The following FBH1 variants were observed in gnomAD, a reference collection of about 807,000 sequenced individuals.
The protein encoded by FBH1 is DNA 3'-5' helicase 1.
Under a neutral mutation model 115.5 loss-of-function variants are expected in FBH1, and 43 were observed. That is an observed-to-expected ratio of 0.37 (90% confidence interval 0.29 to 0.48). The LOEUF is 0.48. Among genes scored for constraint, FBH1 ranks in the 20% least tolerant of loss-of-function variants. The pLI, the probability that FBH1 is intolerant of heterozygous loss-of-function variation, is 0.99. For synonymous variants in FBH1, 524 were observed against 507.8 expected (o/e 1.03, Z -0.43); for missense variants, 1,001 against 1,337.3 (o/e 0.75, Z 3.92).
At chr10:5,904,225 G>A (rs981224557) in intron 2 of FBH1, among the ~76,000 whole-genome samples, 1 of 151,936 alleles carries the variant, frequency 6.6e-6, no homozygotes, top group African/African-American at 2.4e-5. Flanking sequence ...TAGAGACAGG[G>A]TTTTGCTACG....
intron 1 of FBH1, among the ~76,000 whole-genome samples, chr10:5,902,213 CAT>C (rs1278714398): frequency 3.9e-5 from 6 of 152,136 alleles, no homozygotes; most frequent in Admixed American, 2.0e-4. Flanking sequence ...GGGGCTGAGA[CAT>C]GTGTGCCCTT....
rs1833124783 is a variant in FBH1, at chr10:5,933,765, C to T, written c.2830-2691C>T. 6.6e-6 allele frequency among the ~76,000 whole-genome samples: 1 copy of T among 152,046 alleles called. No homozygotes were observed. The highest frequency in any genetic ancestry group is 2.1e-4 in the South Asian group (1 of 4,824). On this transcript the variant is annotated intron_variant, in intron 19 of 20. Transcript: ENST00000362091. This position sits in a 1 kb window ranked among gnomAD's most constrained non-coding sequence, Gnocchi z 4.9. ...TCAAGCTGTTCTCCTGTGTCAGCCT[C>T]TCAAGTAGCTGGTAGTACAGGTGTA...
At position 5,913,177 on chromosome 10, in the gene FBH1, C is replaced by T. The variant is rs138255815; in HGVS notation, c.1212-570C>T. On this transcript the variant is annotated intron_variant, in intron 6 of 20. Coordinates refer to ENST00000362091, the MANE Select transcript of FBH1 (RefSeq NM_178150.3). This position sits in a 1 kb window ranked among gnomAD's most constrained non-coding sequence, Gnocchi z 4.4. ...CTGATTGAACTTTGTCATCTTTGGT[C>T]CCTCTTGGTGACTTGGAGCCTACTG... is the stretch of plus-strand genomic sequence containing the variant. Among the ~76,000 whole-genome samples, 1 of 152,220 alleles carries T rather than the reference C, an allele frequency of 6.6e-6. No homozygotes were observed. Among genetic ancestry groups the T allele is most frequent in the East Asian group, 1.9e-4 (1 of 5,170 alleles).
intron 1 of FBH1, among the ~76,000 whole-genome samples, chr10:5,896,694 C>T (rs529701220): frequency 5.9e-5 from 9 of 152,098 alleles, no homozygotes; most frequent in East Asian, 3.9e-4. Flanking sequence ...TGCAAAGCCC[C>T]GTAAGTGATT....
rs577254957 is a variant in FBH1 at position 5,897,597 on chromosome 10, G to T, written c.2-5423G>T. Among the ~76,000 whole-genome samples, 2 of 152,284 alleles carry T rather than the reference G, an allele frequency of 1.3e-5. No individual in the cohort carries two copies. Among genetic ancestry groups the T allele is most frequent in the East Asian group, 3.9e-4 (2 of 5,182 alleles). ...ATCCAATAAAAGTACCAGCTCTCCC[G>T]CCAGCCAAACTATGGCTGGTAACGC... is the stretch of plus-strand genomic sequence containing the variant. On this transcript the variant is annotated intron_variant, in intron 1 of 20. Transcript: ENST00000362091. The surrounding 1 kb of genome is among the most constrained non-coding windows in gnomAD (Gnocchi z 4.7).
chr10:5,891,043 G>A (rs748527423), intron 1 of FBH1: 4 of 472,512 alleles, frequency 8.5e-6, no homozygotes, highest in Non-Finnish European at 1.1e-5. Flanking sequence ...ACAACCCTAT[G>A]AGGCATCAGT....
rs554564012 is a variant in FBH1 at position 5,912,682 on chromosome 10, G to A, written c.1212-1065G>A. The stretch of plus-strand genomic sequence containing the variant: ...GTTTGCTGATGGCTGCCTTCTTGCC[G>A]CATCCCCACAGGGTGGAGAGAACAC... On this transcript the variant is annotated intron_variant, in intron 6 of 20. Transcript: ENST00000362091. Among the ~76,000 whole-genome samples the A allele has an allele frequency of 3.9e-5, 6 of 152,304 alleles. No homozygotes were observed. The East Asian group carries it at 9.6e-4, about 24-fold the overall frequency.
rs1170060835 is a variant in FBH1, at chr10:5,933,118, T to G, written c.2830-3338T>G. On this transcript the variant is annotated intron_variant, in intron 19 of 20. Transcript: ENST00000362091. The surrounding 1 kb of genome is among the most constrained non-coding windows in gnomAD (Gnocchi z 4.9). ...TAAGAGTGAAATAGGCCCGGCGCAG[T>G]AGCTCACACCTGTAATCCCAGTACT... Among the ~76,000 whole-genome samples the G allele has an allele frequency of 1.3e-5, 2 of 152,170 alleles. No individual in the cohort carries two copies. Among genetic ancestry groups the G allele is most frequent in the Non-Finnish European group, 2.9e-5 (2 of 68,028 alleles).
At position 5,933,720 on chromosome 10, in the gene FBH1, G is replaced by A. The variant is rs1250017066; in HGVS notation, c.2830-2736G>A. On this transcript the variant is annotated intron_variant, in intron 19 of 20. Coordinates refer to ENST00000362091, the MANE Select transcript of FBH1 (RefSeq NM_178150.3). This position sits in a 1 kb window ranked among gnomAD's most constrained non-coding sequence, Gnocchi z 4.9. ...GGCAGTGGTGTGATCTTGGCTCACCGCAACCTCGGCCTCCTGGGTTCAAGC... is the reference window on the plus strand; with the variant it reads ...GGCAGTGGTGTGATCTTGGCTCACCACAACCTCGGCCTCCTGGGTTCAAGC... 6.6e-6 allele frequency among the ~76,000 whole-genome samples: 1 copy of A among 151,418 alleles called. No homozygotes were observed. Among genetic ancestry groups the A allele is most frequent in the Non-Finnish European group, 1.5e-5 (1 of 67,926 alleles).
At position 5,910,867 on chromosome 10, in the gene FBH1, C is replaced by T. The variant is rs768434092; in HGVS notation, c.1021-71C>T. On this transcript the variant is annotated intron_variant, in intron 5 of 20. Transcript: ENST00000362091. This position sits in a 1 kb window ranked among gnomAD's most constrained non-coding sequence, Gnocchi z 4.8. Reference sequence around the variant, plus strand: ...GACCCGTGGCTCGGCTTTCCTGACTCCTTCCTGCTGTGATTCGTATTAACC... The same window carrying T: ...GACCCGTGGCTCGGCTTTCCTGACTTCTTCCTGCTGTGATTCGTATTAACC... The T allele has an allele frequency of 2.9e-5, 41 of 1,391,764 alleles. No homozygotes were observed. The highest frequency in any genetic ancestry group is 3.9e-5 in the Non-Finnish European group (40 of 1,025,764). The allele number at this position is 1,391,764 out of a possible 1,614,324, so 86.2% of individuals were successfully genotyped here.
rs1832424859 is a variant in FBH1 at position 5,923,372 on chromosome 10, G to A, written c.2323-249G>A. Among the ~76,000 whole-genome samples, 1 of 152,174 alleles carries A rather than the reference G, an allele frequency of 6.6e-6. No individual in the cohort carries two copies. The highest frequency in any genetic ancestry group is 1.5e-5 in the Non-Finnish European group (1 of 68,044). The stretch of plus-strand genomic sequence containing the variant: ...AAAAGCGTAGGAAGAGTTTGAGGTA[G>A]CAGCTGTAACTTAGAATGTGGTCCC... On this transcript the variant is annotated intron_variant, in intron 15 of 20. Coordinates refer to ENST00000362091, the MANE Select transcript of FBH1 (RefSeq NM_178150.3). This position sits in a 1 kb window ranked among gnomAD's most constrained non-coding sequence, Gnocchi z 5.7.
intron 1 of FBH1, among the ~76,000 whole-genome samples, 163 bp downstream of exon 1, chr10:5,890,509 C>T (rs779934356): frequency 1.3e-5 from 2 of 150,820 alleles, no homozygotes; most frequent in Non-Finnish European, 3.0e-5. Context: ...GGGGGCTCGG[C>T]CGTCCGGGCC....
chr10:5,895,073 C>A lies in FBH1; in HGVS notation c.1+4727C>A, dbSNP rs771649953. The stretch of plus-strand genomic sequence containing the variant: ...TTTCACAGGCTGCCATTGGACCTGT[C>A]AAGTGCCTGAGTCATGTGATAATGG... On this transcript the variant is annotated intron_variant, in intron 1 of 20. Transcript: ENST00000362091. The surrounding 1 kb of genome is among the most constrained non-coding windows in gnomAD (Gnocchi z 5.0). 6.2e-7 allele frequency: 1 copy of A among 1,613,286 alleles called. No individual in the cohort carries two copies. The highest frequency in any genetic ancestry group is 8.5e-7 in the Non-Finnish European group (1 of 1,179,504).
Position 5,935,796 on chromosome 10 carries a change from G to A in FBH1, c.2830-660G>A, listed in dbSNP as rs117697855. The A allele has an allele frequency of 0.014, 2,145 of 152,524 alleles. 28 individuals are homozygous for A. Among genetic ancestry groups the A allele is most frequent in the Middle Eastern group, 0.02 (6 of 294 alleles). The allele number at this position is 152,524 out of a possible 1,614,324, so 9.4% of individuals were successfully genotyped here. A position where few individuals can be genotyped will look rare whatever the true frequency, so the allele number is the denominator to read the frequency against. ...TCCTGCTAGCATATCAGTCTGTGAT[G>A]TGGAGCCCCACAGGGCAGCAGCGAA... On this transcript the variant is annotated intron_variant, in intron 19 of 20. Coordinates refer to ENST00000362091, the MANE Select transcript of FBH1 (RefSeq NM_178150.3). This position sits in a 1 kb window ranked among gnomAD's most constrained non-coding sequence, Gnocchi z 5.2.
At position 5,902,892 on chromosome 10, in the gene FBH1, A is replaced by G. The variant is rs563869063; in HGVS notation, c.2-128A>G. Reference sequence around the variant, plus strand: ...AGTTGGGGGGCAAGGGGAGGGGGGAACGGTTGGCTGGGGTGTTGACAAAAT... The same window carrying G: ...AGTTGGGGGGCAAGGGGAGGGGGGAGCGGTTGGCTGGGGTGTTGACAAAAT... On this transcript the variant is annotated intron_variant, in intron 1 of 20. Transcript: ENST00000362091. The G allele has an allele frequency of 8.0e-6, 6 of 753,028 alleles. No individual in the cohort carries two copies. In the East Asian group the frequency reaches 1.2e-4, roughly 16 times the overall value. The allele number at this position is 753,028 out of a possible 1,614,324, so 46.6% of individuals were successfully genotyped here. A position where few individuals can be genotyped will look rare whatever the true frequency, so the allele number is the denominator to read the frequency against.
In FBH1 at chr10:5,892,331, A is replaced by C. The variant is rs137930998; in HGVS notation, c.1+1985A>C. Among the ~76,000 whole-genome samples the C allele has an allele frequency of 3.9e-3, 594 of 152,234 alleles. 4 individuals are homozygous for C. Among genetic ancestry groups the C allele is most frequent in the African/African-American group, 0.014 (565 of 41,524 alleles). On this transcript the variant is annotated intron_variant, in intron 1 of 20. Transcript: ENST00000362091. The stretch of plus-strand genomic sequence containing the variant: ...CCCATTGGTACACTGATCATTTGAC[A>C]GGTTTCGTGATTTGTGAGTGTGTGT...
chr10:5,915,352 G>A lies in FBH1; in HGVS notation c.1397-51G>A. 6.3e-7 allele frequency: 1 copy of A among 1,592,354 alleles called. No individual in the cohort carries two copies. The highest frequency in any genetic ancestry group is 1.1e-5 in the South Asian group (1 of 88,940). ...ACAAGGCCTGATTGGGGATCCCTGG[G>A]CATGTCTTGTCTGGTCAGAGGGTCA... On this transcript the variant is annotated intron_variant, in intron 8 of 20. Transcript: ENST00000362091. This position sits in a 1 kb window ranked among gnomAD's most constrained non-coding sequence, Gnocchi z 5.2.
rs1238141114 is a variant in FBH1 at position 5,925,913 on chromosome 10, AT to A, written c.2722+422del. Among the ~76,000 whole-genome samples the A allele has an allele frequency of 6.6e-6, 1 of 152,176 alleles. No individual in the cohort carries two copies. The highest frequency in any genetic ancestry group is 2.4e-5 in the African/African-American group (1 of 41,444). ...AGAGAAGAAAACCACAAAAGGAGAA[AT>A]AGTAAGCATTCTTTATCATTTGTCT... is the stretch of plus-strand genomic sequence containing the variant. On this transcript the variant is annotated intron_variant, in intron 18 of 20. Coordinates refer to ENST00000362091, the MANE Select transcript of FBH1 (RefSeq NM_178150.3). The surrounding 1 kb of genome is among the most constrained non-coding windows in gnomAD (Gnocchi z 4.6).
chr10:5,909,577 A>G lies in FBH1; in HGVS notation c.1020+283A>G. On this transcript the variant is annotated intron_variant, in intron 5 of 20. Transcript: ENST00000362091. The surrounding 1 kb of genome is among the most constrained non-coding windows in gnomAD (Gnocchi z 4.4). ...AAATATTTCTGAAAAGTGGTCATCT[A>G]GCCTCTGAACACTTTTAATAATAGG... 1 of 398,144 alleles carries G rather than the reference A, an allele frequency of 2.5e-6. No individual in the cohort carries two copies. The highest frequency in any genetic ancestry group is 4.5e-6 in the Non-Finnish European group (1 of 222,904). The allele number at this position is 398,144 out of a possible 1,614,324, so 24.7% of individuals were successfully genotyped here.
Sources: allele counts gnomAD v4.1 joint callset (sites outside exome capture counted in the v4.1 genomes callset), GRCh38; gene constraint gnomAD v4.1.1; non-coding constraint Gnocchi (gnomAD v3.1); transcripts MANE v1.5; gene names NCBI Gene and HGNC (gene_info 2026-07-23, HGNC 2026-07-21).